Variants in TMC5 observed in about 807,000 individuals in gnomAD.
TMC5 encodes the protein transmembrane channel-like protein 5.
TMC5 carries 86 observed loss-of-function variants against 110.5 expected under a neutral mutation model. The observed-to-expected ratio is 0.78, with a 90% CI of 0.65 to 0.93. The LOEUF is 0.93. TMC5 is among the 40% of genes least tolerant of loss of function. The probability of loss-of-function intolerance (pLI) is 0.00; values close to 1 mark genes in which losing one functional copy is unlikely to be tolerated. For synonymous variants in TMC5, 455 were observed against 439.5 expected, an observed-to-expected ratio of 1.04 and a Z score of -0.44; for missense variants, 1,144 against 1,222.8, an observed-to-expected ratio of 0.94 and a Z score of 0.96.
At chr16:19,445,457 G>T (rs187485067) in intron 4 of TMC5, among the ~76,000 whole-genome samples, 4 of 152,118 alleles carry the variant, frequency 2.6e-5, no homozygotes, top group Admixed American at 2.6e-4. Context: ...GCCTGGGCTG[G>T]CCTTGAACTC....
intron 17 of TMC5, chr16:19,487,701 C>CAATAAATCAATA (rs1313058259): frequency 1.6e-5 from 2 of 127,838 alleles, no homozygotes; most frequent in African/African-American, 6.0e-5. Flanking sequence ...GACTCTGTCT[C>CAATAAATCAATA]AATAAATAAA....
chr16:19,425,619 T>C (rs1264349818), intron 1 of TMC5, among the ~76,000 whole-genome samples: 1 of 152,170 alleles, frequency 6.6e-6, no homozygotes, highest in Non-Finnish European at 1.5e-5. Flanking sequence ...TTCCATTGTC[T>C]CTTGAATATC....
chr16:19,463,647 A>G (rs1968084704), intron 7 of TMC5, 129 bp from the exon 8 acceptor site: 1 of 1,182,238 alleles, frequency 8.5e-7, no homozygotes, highest in African/African-American at 1.5e-5. Context: ...ATTTGTAAAC[A>G]TGCCTAGCAT....
intron 8 of TMC5, among the ~76,000 whole-genome samples, chr16:19,465,064 C>A (rs867522019): frequency 1.5e-5 from 1 of 67,998 alleles, no homozygotes; most frequent in Non-Finnish European, 2.9e-5. Flanking sequence ...TCTTTTCCTT[C>A]CTTCCTTCCT....
chr16:19,446,581 C>T (rs60530653), intron 4 of TMC5, among the ~76,000 whole-genome samples: 10,594 of 152,274 alleles, frequency 0.07, 740 homozygotes, highest in African/African-American at 0.18. Context: ...GCCACTCTCC[C>T]TGTTTTAACA....
At chr16:19,456,932 T>C in intron 5 of TMC5, 1 of 1,614,204 alleles carries the variant, frequency 6.2e-7, no homozygotes, top group East Asian at 2.2e-5. Context: ...TTCAACATCT[T>C]TGAATGAGTC....
chr16:19,426,476 G>A (rs1967089901), intron 1 of TMC5, among the ~76,000 whole-genome samples: 1 of 152,204 alleles, frequency 6.6e-6, no homozygotes, highest in Non-Finnish European at 1.5e-5. Context: ...GGTTTCTGTA[G>A]CCTACGGGTC....
At chr16:19,468,229 C>G (rs1184070203) in intron 9 of TMC5, among the ~76,000 whole-genome samples, 3 of 152,150 alleles carry the variant, frequency 2.0e-5, no homozygotes, top group African/African-American at 7.2e-5. Flanking sequence ...CCCTGCTGGG[C>G]CTCCCAAAGT....
chr16:19,446,370 G>A (rs370082530), intron 4 of TMC5, among the ~76,000 whole-genome samples: 7 of 152,204 alleles, frequency 4.6e-5, no homozygotes, highest in African/African-American at 1.7e-4. Flanking sequence ...CTTCTTAGAG[G>A]ACGGCAATGA....
intron 5 of TMC5, chr16:19,456,871 TCAGA>T (rs745551390): frequency 1.9e-6 from 3 of 1,614,076 alleles, no homozygotes; most frequent in Non-Finnish European, 2.5e-6. Flanking sequence ...TGATAGACTC[TCAGA>T]CAGTCAGCAA....
chr16:19,445,875 C>T (rs1035585007), intron 4 of TMC5, among the ~76,000 whole-genome samples: 4 of 151,730 alleles, frequency 2.6e-5, no homozygotes, highest in Non-Finnish European at 5.9e-5. Flanking sequence ...ATTAGCTGGG[C>T]GTGGTGGCAC....
intron 13 of TMC5, among the ~76,000 whole-genome samples, chr16:19,478,028 C>G (rs1968530753): frequency 6.6e-6 from 1 of 152,190 alleles, no homozygotes; most frequent in African/African-American, 2.4e-5. Flanking sequence ...TCTGGCCGTC[C>G]TTCACTTAAC....
chr16:19,480,956 A>G (rs1363068513), intron 14 of TMC5, among the ~76,000 whole-genome samples: 1 of 152,108 alleles, frequency 6.6e-6, no homozygotes, highest in African/African-American at 2.4e-5. Context: ...TTTAGAACAC[A>G]GGGAAACATA....
At chr16:19,464,675 C>T (rs1166749755) in intron 8 of TMC5, among the ~76,000 whole-genome samples, 3 of 151,650 alleles carry the variant, frequency 2.0e-5, no homozygotes, top group Non-Finnish European at 4.4e-5. Flanking sequence ...TGGGCATTTT[C>T]TTGTGTTGGT....
At chr16:19,489,235 A>AATC (rs1968824857) in intron 17 of TMC5, among the ~76,000 whole-genome samples, 1 of 152,218 alleles carries the variant, frequency 6.6e-6, no homozygotes, top group South Asian at 2.1e-4. Flanking sequence ...GCAGGGGCGC[A>AATC]ATCACAGCTC....
rs1462733152 is a variant in TMC5 at position 19,474,425 on chromosome 16, T to C, written c.2090+149T>C. On this transcript the variant is annotated intron_variant, in intron 12 of 21. Transcript: ENST00000542583. ...AGGTGTGGCTGGGCGTGGTGGCTCA[T>C]GTCAGTAATCCCAGCACTTTGGGAG... 14 of 885,944 alleles carry C rather than the reference T, an allele frequency of 1.6e-5. No homozygotes were observed. The Admixed American group carries it at 3.0e-4, about 19-fold the overall frequency. The allele number at this position is 885,944 out of a possible 1,614,324, so 54.9% of individuals were successfully genotyped here.
intron 3 of TMC5, among the ~76,000 whole-genome samples, chr16:19,441,143 A>G (rs550684122): frequency 4.6e-4 from 70 of 152,326 alleles, no homozygotes; most frequent in Non-Finnish European, 7.5e-4. Flanking sequence ...CTACGTAGCC[A>G]ACAAGGTTAA....
intron 12 of TMC5, among the ~76,000 whole-genome samples, chr16:19,474,543 G>GC (rs112930656): frequency 2.9e-4 from 44 of 152,238 alleles, no homozygotes; most frequent in African/African-American, 1.0e-3. Flanking sequence ...GGATGCAGTG[G>GC]CATGCACCTG....
chr16:19,447,911 C>T (rs1967649510), intron 4 of TMC5, among the ~76,000 whole-genome samples: 1 of 148,036 alleles, frequency 6.8e-6, no homozygotes, highest in Non-Finnish European at 1.5e-5. Context: ...AGACACACAC[C>T]CAGGGGGCGC....
Sources: allele counts gnomAD v4.1 joint callset (sites outside exome capture counted in the v4.1 genomes callset), GRCh38; gene constraint gnomAD v4.1.1; transcripts MANE v1.5; gene names NCBI Gene and HGNC (gene_info 2026-07-23, HGNC 2026-07-21).